Variants in RGL1 observed in about 807,000 individuals in gnomAD.
The protein encoded by RGL1 is ral guanine nucleotide dissociation stimulator-like 1.
Under a neutral mutation model 95.2 loss-of-function variants are expected in RGL1, and 24 were observed. That is an observed-to-expected ratio of 0.25 (90% CI 0.18 to 0.35). The LOEUF (loss-of-function observed/expected upper bound fraction) is 0.35, where lower values mean the gene tolerates loss of function less well. Among genes scored for constraint, RGL1 ranks in the 10% least tolerant of loss-of-function variants. RGL1 has a pLI of 1.00. For synonymous variants in RGL1, 329 were observed against 344.9 expected (o/e 0.95, Z 0.51); for missense variants, 715 against 936.3 (o/e 0.76, Z 3.08).
intron 2 of RGL1, among the ~76,000 whole-genome samples, chr1:183,820,002 G>A (rs1662354179): frequency 6.6e-6 from 1 of 151,968 alleles, no homozygotes; most frequent in South Asian, 2.1e-4. Context: ...GCCCAAGCTT[G>A]TCTTGAACTC....
chr1:183,744,691 G>A (rs972020457), intron 2 of RGL1, among the ~76,000 whole-genome samples: 1 of 151,936 alleles, frequency 6.6e-6, no homozygotes, highest in Admixed American at 6.6e-5. Context: ...TACTTCTACA[G>A]CTTGTTTTTT....
intron 2 of RGL1, among the ~76,000 whole-genome samples, chr1:183,749,742 G>T (rs1657876377): frequency 6.6e-6 from 1 of 152,266 alleles, no homozygotes; most frequent in African/African-American, 2.4e-5. Flanking sequence ...AGGAGCTCTT[G>T]TAAGGGAGGC....
chr1:183,865,360 G>C (rs149742591), intron 3 of RGL1, among the ~76,000 whole-genome samples: 8 of 152,294 alleles, frequency 5.3e-5, no homozygotes, highest in African/African-American at 1.9e-4. Flanking sequence ...CAGTTGCTGT[G>C]TCTAGCGCAA....
intron 1 of RGL1, among the ~76,000 whole-genome samples, chr1:183,708,316 TC>T (rs1655045228): frequency 6.6e-6 from 1 of 152,068 alleles, no homozygotes; most frequent in South Asian, 2.1e-4. Flanking sequence ...AAAGGAGCGA[TC>T]GTCACTGCTG....
chr1:183,704,732 G>A (rs1472471778), intron 1 of RGL1, among the ~76,000 whole-genome samples: 1 of 152,238 alleles, frequency 6.6e-6, no homozygotes, highest in Non-Finnish European at 1.5e-5. Context: ...GCATAGAGTT[G>A]GAGGAGCTGT....
At chr1:183,682,579 A>G (rs1380495328) in intron 1 of RGL1, among the ~76,000 whole-genome samples, 1 of 152,058 alleles carries the variant, frequency 6.6e-6, no homozygotes, top group African/African-American at 2.4e-5. Flanking sequence ...GGAGTGTTTT[A>G]CTTTGAATTA....
chr1:183,843,723 G>A (rs896846771), intron 2 of RGL1, among the ~76,000 whole-genome samples: 3 of 152,172 alleles, frequency 2.0e-5, no homozygotes, highest in African/African-American at 7.2e-5. Context: ...ATCACAAGGC[G>A]AGGAAGCTTG....
chr1:183,761,241 A>G (rs1248497903), intron 2 of RGL1, among the ~76,000 whole-genome samples: 1 of 152,230 alleles, frequency 6.6e-6, no homozygotes, highest in African/African-American at 2.4e-5. Context: ...TATGGCAGCT[A>G]TAGCCTTATG....
chr1:183,661,961 A>G (rs1651664803), intron 1 of RGL1, among the ~76,000 whole-genome samples: 1 of 150,250 alleles, frequency 6.7e-6, no homozygotes, highest in Non-Finnish European at 1.5e-5. Flanking sequence ...GACAAAAACC[A>G]CATGATTATC....
chr1:183,819,567 CAGA>C (rs943296582), intron 2 of RGL1, among the ~76,000 whole-genome samples: 28 of 152,172 alleles, frequency 1.8e-4, no homozygotes, highest in African/African-American at 6.7e-4. Flanking sequence ...TCTAGAATTT[CAGA>C]ATTCTGTTTT....
chr1:183,654,695 T>G (rs1185400239), intron 1 of RGL1, among the ~76,000 whole-genome samples: 1 of 152,194 alleles, frequency 6.6e-6, no homozygotes, highest in Non-Finnish European at 1.5e-5. Context: ...CATGGTGGAT[T>G]AGATGCTCAG....
At chr1:183,756,465 C>CT (rs1256865722) in intron 2 of RGL1, among the ~76,000 whole-genome samples, 15 of 152,180 alleles carry the variant, frequency 9.9e-5, no homozygotes, top group African/African-American at 3.4e-4. Context: ...ACGTCTCTTA[C>CT]TTAGAAACTT....
At chr1:183,734,834 T>A (rs1466657442) in intron 1 of RGL1, among the ~76,000 whole-genome samples, 1 of 152,240 alleles carries the variant, frequency 6.6e-6, no homozygotes, top group African/African-American at 2.4e-5. Context: ...TGCTAAAGGA[T>A]ATTTTTTTGT....
rs534294597 is a variant in RGL1, at chr1:183,663,955, T to C, written c.-33+27454T>C. Among the ~76,000 whole-genome samples, 757 of 150,780 alleles carry C rather than the reference T, an allele frequency of 5.0e-3. 3 individuals carry two copies. Among genetic ancestry groups the C allele is most frequent in the African/African-American group, 0.018 (716 of 40,824 alleles). ...GGAAATCATCATTCTCAGTAAACCA[T>C]TGCAAGAACAAAAAACCAAGCACCG... On this transcript the variant is annotated intron_variant, in intron 1 of 18. Transcript: ENST00000304685.
At chr1:183,739,677 C>T in intron 1 of RGL1, among the ~76,000 whole-genome samples, 1 of 152,176 alleles carries the variant, frequency 6.6e-6, no homozygotes. Context: ...TGGAGGATCT[C>T]AGAATGCTTG....
chr1:183,659,884 G>A (rs1424908663), intron 1 of RGL1, among the ~76,000 whole-genome samples: 2 of 149,974 alleles, frequency 1.3e-5, no homozygotes, highest in Non-Finnish European at 2.9e-5. Flanking sequence ...GAAGCCGGAA[G>A]AGAGTGGGGG....
chr1:183,694,523 C>T (rs1476106553), intron 1 of RGL1, among the ~76,000 whole-genome samples: 1 of 152,150 alleles, frequency 6.6e-6, no homozygotes, highest in African/African-American at 2.4e-5. Flanking sequence ...TAGTCACAAC[C>T]CTTGCTATAG....
intron 2 of RGL1, among the ~76,000 whole-genome samples, chr1:183,793,903 T>A (rs966858756): frequency 3.9e-5 from 6 of 152,140 alleles, no homozygotes; most frequent in Non-Finnish European, 7.4e-5. Flanking sequence ...ACTGGGTATT[T>A]ATCCAAAGGA....
chr1:183,888,107 CTAAAGTGCA>C (rs1453601490), intron 7 of RGL1, among the ~76,000 whole-genome samples: 1 of 152,154 alleles, frequency 6.6e-6, no homozygotes, highest in African/African-American at 2.4e-5. Context: ...TAAAGAAGAT[CTAAAGTGCA>C]TATTTTTAGG....
Sources: allele counts gnomAD v4.1 joint callset (sites outside exome capture counted in the v4.1 genomes callset), GRCh38; gene constraint gnomAD v4.1.1; transcripts MANE v1.5; gene names NCBI Gene and HGNC (gene_info 2026-07-23, HGNC 2026-07-21).